The following CSTF1 variants were observed in gnomAD, a reference collection of about 807,000 sequenced individuals.
The protein encoded by CSTF1 is cleavage stimulation factor subunit 1.
In CSTF1, 2 loss-of-function variants were observed where a neutral mutation model predicts 40.9. The ratio of observed to expected loss-of-function variants is 0.05; its 90% CI spans 0.02 to 0.15. The LOEUF (loss-of-function observed/expected upper bound fraction) is 0.15. Ranked by LOEUF, CSTF1 falls within the 10% of genes least tolerant of loss-of-function variation. The probability of loss-of-function intolerance (pLI) is 1.00; values close to 1 mark genes in which losing one functional copy is unlikely to be tolerated. For synonymous variants in CSTF1, 218 were observed against 207.2 expected, an observed-to-expected ratio of 1.05 and a Z score of -0.45; for missense variants, 279 against 558.9, an observed-to-expected ratio of 0.50 and a Z score of 5.05.
In CSTF1 at chr20:56,397,935, T is replaced by C. The variant is rs1406770011; in HGVS notation, c.645+94T>C. The C allele has an allele frequency of 1.4e-5, 14 of 1,012,068 alleles. No individual in the cohort carries two copies. The East Asian group carries it at 3.3e-4, about 24-fold the overall frequency. The allele number at this position is 1,012,068 out of a possible 1,614,324, so 62.7% of individuals were successfully genotyped here. A position where few individuals can be genotyped will look rare whatever the true frequency, so the allele number is the denominator to read the frequency against. ...TTTTTAAAAGTAGTCTCAGTGATCA[T>C]CCTGTAAGATGCGTACAGACCAGGA... On this transcript the variant is annotated intron_variant, in intron 4 of 5. Transcript: ENST00000217109. This position sits in a 1 kb window ranked among gnomAD's most constrained non-coding sequence, Gnocchi z 4.4.
chr20:56,394,747 A>G (rs1987469091), intron 1 of CSTF1, among the ~76,000 whole-genome samples: 1 of 152,240 alleles, frequency 6.6e-6, no homozygotes, highest in African/African-American at 2.4e-5. Context: ...TCTTTTTTGA[A>G]TAAGCCAGAA....
intron 2 of CSTF1, among the ~76,000 whole-genome samples, chr20:56,396,734 A>G (rs1045611786): frequency 6.6e-6 from 1 of 152,196 alleles, no homozygotes; most frequent in Non-Finnish European, 1.5e-5. Flanking sequence ...TTTTAAATGC[A>G]TATTCTTGAT....
rs6024857 is a variant in CSTF1 at position 56,405,550 on chromosome 20, T to C, written c.*1823T>C. ...CTGAAGTTATTGCGTAAACATTCTG[T>C]TTTAGTCATCCTTGAGGATCGTTTT... On this transcript the variant is annotated 3_prime_UTR_variant, in exon 6 of 6. Coordinates refer to ENST00000217109, the MANE Select transcript of CSTF1 (RefSeq NM_001324.3). The C allele has an allele frequency of 0.16, 23,915 of 152,182 alleles. 2,120 individuals are homozygous for C. The highest frequency in any genetic ancestry group is 0.36 in the East Asian group (1,845 of 5,178). The allele number at this position is 152,182 out of a possible 1,614,324, so 9.4% of individuals were successfully genotyped here.
At position 56,395,569 on chromosome 20, in the gene CSTF1, T is replaced by A; in HGVS notation, c.17T>A (p.Val6Glu). 6.2e-7 allele frequency: 1 copy of A among 1,613,908 alleles called. No individual in the cohort carries two copies. Among genetic ancestry groups the A allele is most frequent in the Non-Finnish European group, 8.5e-7 (1 of 1,179,946 alleles). The change falls in exon 2 of 6, where the codon GTG becomes GAG. Residue 6 changes from valine to glutamate, a missense_variant. Val to Glu is a moderately radical substitution (Grantham distance 121). Around this residue, in one of 4 missense-constraint regions of CSTF1, gnomAD observed 51 missense variants for 55.0 expected, o/e 0.93. Transcript: ENST00000217109. MYRTK[V>E]GLKDRQQLYK... ...TTCTCCAAGATGTACAGAACCAAAG[T>A]GGGCTTGAAGGACCGCCAGCAGCTC...
rs541106309 is a variant in CSTF1 at position 56,401,613 on chromosome 20, C to T, written c.1037-1855C>T. ...ACATGCCCATAAAAGGATGTGTGTCCCAACATCATTTGGAGTGGCTGAAAG... is the reference window on the plus strand; with the variant it reads ...ACATGCCCATAAAAGGATGTGTGTCTCAACATCATTTGGAGTGGCTGAAAG... On this transcript the variant is annotated intron_variant, in intron 5 of 5. Coordinates refer to ENST00000217109, the MANE Select transcript of CSTF1 (RefSeq NM_001324.3). 5.9e-5 allele frequency among the ~76,000 whole-genome samples: 9 copies of T among 152,200 alleles called. No individual in the cohort carries two copies. The East Asian group carries it at 1.7e-3, about 29-fold the overall frequency.
Position 56,395,591 on chromosome 20 carries a change from G to C in CSTF1, c.39G>C (p.Gln13His). The C allele has an allele frequency of 2.5e-6, 4 of 1,614,156 alleles. No homozygotes were observed. The highest frequency in any genetic ancestry group is 1.7e-6 in the Non-Finnish European group (2 of 1,180,012). Residue 13 changes from glutamine to histidine, a missense_variant, in exon 2 of 6, where the codon CAG becomes CAC. Transcript: ENST00000217109. ...RTKVGLKDRQ[Q>H]LYKLIISQLL... ...AAGTGGGCTTGAAGGACCGCCAGCA[G>C]CTCTACAAGCTGATCATTAGCCAGC... is the stretch of plus-strand genomic sequence containing the variant.
rs547699347 is a variant in CSTF1 at position 56,405,794 on chromosome 20, C to G, written c.*2067C>G. ...CTAAAAGGCACCTACTAAATACGAA[C>G]AAGGATAACCAGTTCTACCAAAAAC... On this transcript the variant is annotated 3_prime_UTR_variant, in exon 6 of 6. Transcript: ENST00000217109. 16 of 152,330 alleles carry G rather than the reference C, an allele frequency of 1.1e-4. No individual in the cohort carries two copies. Among genetic ancestry groups the G allele is most frequent in the Admixed American group, 7.2e-4 (11 of 15,304 alleles). The allele number at this position is 152,330 out of a possible 1,614,324, so 9.4% of individuals were successfully genotyped here. A position where few individuals can be genotyped will look rare whatever the true frequency, so the allele number is the denominator to read the frequency against.
At chr20:56,393,057 C>T (rs34120746) in intron 1 of CSTF1, among the ~76,000 whole-genome samples, 3 of 151,962 alleles carry the variant, frequency 2.0e-5, no homozygotes, top group Non-Finnish European at 4.4e-5. Flanking sequence ...AATTAGGCTT[C>T]TGTTTACCTG....
intron 5 of CSTF1, among the ~76,000 whole-genome samples, chr20:56,400,001 ACT>A (rs976964091): frequency 2.0e-5 from 3 of 152,224 alleles, no homozygotes; most frequent in African/African-American, 4.8e-5. Context: ...ATGTTAAAAC[ACT>A]GTCTTCTGTT....
chr20:56,395,967 T>C (rs1987507495), intron 2 of CSTF1: 1 of 385,820 alleles, frequency 2.6e-6, no homozygotes, highest in South Asian at 6.0e-5. Context: ...TCTGGAACAC[T>C]CTGTCAGACA....
chr20:56,400,993 T>C (rs1038565375), intron 5 of CSTF1, among the ~76,000 whole-genome samples: 2 of 152,096 alleles, frequency 1.3e-5, no homozygotes, highest in Non-Finnish European at 2.9e-5. Context: ...GAGCCGAGAT[T>C]GCGCTGCTGT....
At position 56,399,374 on chromosome 20, in the gene CSTF1, T is replaced by C. The variant is rs1309459714; in HGVS notation, c.1036+17T>C. 3 of 1,591,410 alleles carry C rather than the reference T, an allele frequency of 1.9e-6. No individual in the cohort carries two copies. Among genetic ancestry groups the C allele is most frequent in the Non-Finnish European group, 2.6e-6 (3 of 1,168,680 alleles). On this transcript the variant is annotated intron_variant, in intron 5 of 5. Coordinates refer to ENST00000217109, the MANE Select transcript of CSTF1 (RefSeq NM_001324.3). This position sits in a 1 kb window ranked among gnomAD's most constrained non-coding sequence, Gnocchi z 4.6. The stretch of plus-strand genomic sequence containing the variant: ...GATACACGGGTATGTGAGACGTTGA[T>C]GTTACTTAACATTTCTGTAGTGTTT...
In CSTF1 at chr20:56,399,409, A is replaced by G. The variant is rs766262019; in HGVS notation, c.1036+52A>G. On this transcript the variant is annotated intron_variant, in intron 5 of 5. Transcript: ENST00000217109. The surrounding 1 kb of genome is among the most constrained non-coding windows in gnomAD (Gnocchi z 4.6). ...CATTTCTGTAGTGTTTACACTTTCC[A>G]GAACTCTCTTTTAAGACCTCACAAT... 6.6e-7 allele frequency: 1 copy of G among 1,508,334 alleles called. No individual in the cohort carries two copies. The highest frequency in any genetic ancestry group is 9.0e-7 in the Non-Finnish European group (1 of 1,113,768). 93.4% of individuals were successfully genotyped at this position (1,508,334 alleles called of 1,614,324 possible). A position where few individuals can be genotyped will look rare whatever the true frequency, so the allele number is the denominator to read the frequency against.
intron 5 of CSTF1, among the ~76,000 whole-genome samples, chr20:56,402,321 A>G (rs6069730): frequency 0.51 from 73,904 of 145,116 alleles, 18,581 homozygotes; most frequent in East Asian, 0.84. Flanking sequence ...AAAAAAAAAA[A>G]AGAGAGAATT....
At chr20:56,401,311 A>G (rs1978441199) in intron 5 of CSTF1, among the ~76,000 whole-genome samples, 1 of 152,176 alleles carries the variant, frequency 6.6e-6, no homozygotes, top group Non-Finnish European at 1.5e-5. Context: ...GAAGAGAAAA[A>G]TGGTCAGGAA....
rs1978617673 is a variant in CSTF1, at chr20:56,404,458, C to T, written c.*731C>T. 6.6e-6 allele frequency: 1 copy of T among 152,096 alleles called. No homozygotes were observed. 9.4% of individuals were successfully genotyped at this position (152,096 alleles called of 1,614,324 possible). ...ATCCGATCTAATTAAATTAGGTCAGCCTGCTATTGCTCTCAGGTGTTGCCT... is the reference window on the plus strand; with the variant it reads ...ATCCGATCTAATTAAATTAGGTCAGTCTGCTATTGCTCTCAGGTGTTGCCT... On this transcript the variant is annotated 3_prime_UTR_variant, in exon 6 of 6. Transcript: ENST00000217109.
At chr20:56,396,709 C>T (rs1987528297) in intron 2 of CSTF1, among the ~76,000 whole-genome samples, 1 of 152,068 alleles carries the variant, frequency 6.6e-6, no homozygotes, top group Non-Finnish European at 1.5e-5. Flanking sequence ...TTTGATTTGT[C>T]AAGTTATTTA....
At chr20:56,396,602 G>A (rs1987525139) in intron 2 of CSTF1, among the ~76,000 whole-genome samples, 2 of 151,966 alleles carry the variant, frequency 1.3e-5, no homozygotes, top group African/African-American at 2.4e-5. Context: ...ATACCGATAC[G>A]TTAACAGTTA....
chr20:56,402,904 C>G (rs1259164665), intron 5 of CSTF1, among the ~76,000 whole-genome samples: 9 of 150,330 alleles, frequency 6.0e-5, no homozygotes, highest in African/African-American at 2.0e-4. Flanking sequence ...CACTGCACTC[C>G]AGCCTGGCGA....
Sources: allele counts gnomAD v4.1 joint callset (sites outside exome capture counted in the v4.1 genomes callset), GRCh38; gene constraint gnomAD v4.1.1; regional missense constraint gnomAD v4.1.1; non-coding constraint Gnocchi (gnomAD v3.1); transcripts MANE v1.5; gene names NCBI Gene and HGNC (gene_info 2026-07-23, HGNC 2026-07-21).